The following GRID2 variants were observed in gnomAD, a reference collection of about 807,000 sequenced individuals.
The protein encoded by GRID2 is glutamate ionotropic receptor delta type subunit 2, also known as glutamate receptor ionotropic, delta-2.
In GRID2, 33 loss-of-function variants were observed where a neutral mutation model predicts 114.8. The observed-to-expected ratio is 0.29, with a 90% confidence interval of 0.22 to 0.38. GRID2 has a LOEUF of 0.38. Ranked by LOEUF, GRID2 falls within the 10% of genes least tolerant of loss-of-function variation. The pLI, the probability that GRID2 is intolerant of heterozygous loss-of-function variation, is 1.00. For synonymous variants in GRID2, 505 were observed against 449.9 expected, an observed-to-expected ratio of 1.12 and a Z score of -1.55; for missense variants, 1,184 against 1,257.7, an observed-to-expected ratio of 0.94 and a Z score of 0.89.
chr4:93,294,449 T>TGA (rs199708286), intron 8 of GRID2, among the ~76,000 whole-genome samples: 4 of 151,938 alleles, frequency 2.6e-5, no homozygotes, highest in South Asian at 2.1e-4. Flanking sequence ...TGTGTGTATG[T>TGA]GAGAGAGAGA....
rs1553908412 is a variant in GRID2, at chr4:92,619,905, T to TTCC, written c.244+29619_244+29620insTCC. ...GCGAAGTTACACATGCCTTTTTTTT[T>TTCC]CCCCCACAGGAGGGATAGAGAAATT... is the stretch of plus-strand genomic sequence containing the variant. On this transcript the variant is annotated intron_variant, in intron 2 of 15. Coordinates refer to ENST00000282020, the MANE Select transcript of GRID2 (RefSeq NM_001510.4). Among the ~76,000 whole-genome samples the TTCC allele has an allele frequency of 3.3e-5, 5 of 151,766 alleles. No homozygotes were observed. In the South Asian group the frequency reaches 1.0e-3, roughly 32 times the overall value.
chr4:92,805,770 C>T (rs1740380959), intron 2 of GRID2, among the ~76,000 whole-genome samples: 1 of 151,844 alleles, frequency 6.6e-6, no homozygotes, highest in Admixed American at 6.6e-5. Flanking sequence ...ACTCTCCAGC[C>T]TGAGTGATAA....
At chr4:93,677,175 G>T (rs531975104) in intron 14 of GRID2, among the ~76,000 whole-genome samples, 1 of 152,296 alleles carries the variant, frequency 6.6e-6, no homozygotes, top group East Asian at 1.9e-4. Context: ...CTCGCTGATT[G>T]CTAACACAGC....
chr4:92,304,582 C>T lies in GRID2; in HGVS notation c.-75C>T. On this transcript the variant is annotated 5_prime_UTR_variant, in exon 1 of 16. Transcript: ENST00000282020. ...GCTGCGCTAAACTCCACCGTGACCT[C>T]AAACTCTTTGGACTGTTTGAAAAAA... 1.0e-6 allele frequency: 1 copy of T among 981,668 alleles called. No homozygotes were observed. The highest frequency in any genetic ancestry group is 1.6e-6 in the Non-Finnish European group (1 of 609,032). The allele number at this position is 981,668 out of a possible 1,614,324, so 60.8% of individuals were successfully genotyped here. A position where few individuals can be genotyped will look rare whatever the true frequency, so the allele number is the denominator to read the frequency against.
chr4:92,810,188 G>T (rs1740602701), intron 2 of GRID2, among the ~76,000 whole-genome samples: 1 of 150,420 alleles, frequency 6.6e-6, no homozygotes, highest in Admixed American at 6.6e-5. Flanking sequence ...AAAATTTTTT[G>T]AAAATTCATT....
chr4:92,891,826 A>G (rs547428926), intron 2 of GRID2, among the ~76,000 whole-genome samples: 3 of 152,288 alleles, frequency 2.0e-5, no homozygotes, highest in African/African-American at 7.2e-5. Context: ...AATGATTTTC[A>G]GTCTCTGATA....
intron 1 of GRID2, among the ~76,000 whole-genome samples, chr4:92,509,989 T>C (rs187751084): frequency 6.6e-6 from 1 of 152,044 alleles, no homozygotes. Context: ...TTCAGCAGGC[T>C]AATGTCATAT....
chr4:92,459,436 C>G (rs1351544476), intron 1 of GRID2, among the ~76,000 whole-genome samples: 3 of 152,078 alleles, frequency 2.0e-5, no homozygotes, highest in African/African-American at 7.2e-5. Flanking sequence ...TGCAATCTAC[C>G]TTCAATATTT....
In GRID2 at chr4:93,625,399, C is replaced by T. The variant is rs76125992; in HGVS notation, c.2194-870C>T. ...TCAGGGGTCATTTTACTATAAGCAA[C>T]GTGGCCTAAAAGTATAGTAAACATT... On this transcript the variant is annotated intron_variant, in intron 13 of 15. Coordinates refer to ENST00000282020, the MANE Select transcript of GRID2 (RefSeq NM_001510.4). Among the ~76,000 whole-genome samples, 875 of 152,260 alleles carry T rather than the reference C, an allele frequency of 5.7e-3. 11 individuals carry two copies. Among genetic ancestry groups the T allele is most frequent in the African/African-American group, 0.019 (805 of 41,556 alleles).
At chr4:92,515,679 C>T (rs966012745) in intron 1 of GRID2, among the ~76,000 whole-genome samples, 4 of 151,854 alleles carry the variant, frequency 2.6e-5, no homozygotes, top group African/African-American at 9.7e-5. Context: ...AGTATATTCA[C>T]ACAAATGGTA....
intron 6 of GRID2, among the ~76,000 whole-genome samples, chr4:93,217,743 A>G (rs1388897554): frequency 6.6e-6 from 1 of 152,054 alleles, no homozygotes; most frequent in African/African-American, 2.4e-5. Flanking sequence ...TGCAAAAACA[A>G]ATCTGTGCCA....
intron 1 of GRID2, among the ~76,000 whole-genome samples, chr4:92,556,270 T>C (rs1357937617): frequency 6.6e-6 from 1 of 152,148 alleles, no homozygotes; most frequent in East Asian, 1.9e-4. Flanking sequence ...CTTCTTTGTA[T>C]GGTCAAAGGT....
At chr4:93,050,908 T>G (rs139185157) in intron 2 of GRID2, among the ~76,000 whole-genome samples, 8 of 152,200 alleles carry the variant, frequency 5.3e-5, no homozygotes, top group African/African-American at 1.9e-4. Context: ...TTAATTGTAT[T>G]TTCTCCTGGG....
chr4:93,178,013 C>A (rs1739506232), intron 4 of GRID2, among the ~76,000 whole-genome samples: 1 of 151,572 alleles, frequency 6.6e-6, no homozygotes, highest in African/African-American at 2.4e-5. Context: ...CCTTTAATTT[C>A]TCTCTCTTTG....
At chr4:92,548,994 T>C (rs539826182) in intron 1 of GRID2, among the ~76,000 whole-genome samples, 3 of 152,026 alleles carry the variant, frequency 2.0e-5, no homozygotes, top group South Asian at 2.1e-4. Context: ...ATCTCTAACA[T>C]TGGGGATTAC....
At chr4:92,713,473 ATACATATATAT>A (rs1333334423) in intron 2 of GRID2, among the ~76,000 whole-genome samples, 149 of 72,240 alleles carry the variant, frequency 2.1e-3, no homozygotes, top group Middle Eastern at 6.5e-3. Context: ...ACATATACAT[ATACATATATAT>A]ATATATATAT....
At chr4:93,619,628 T>G (rs779995004) in intron 13 of GRID2, among the ~76,000 whole-genome samples, 2 of 152,246 alleles carry the variant, frequency 1.3e-5, no homozygotes, top group African/African-American at 2.4e-5. Flanking sequence ...AAAGCTCTGC[T>G]TTGTTTCATT....
chr4:93,054,998 T>C (rs1578861345), intron 2 of GRID2, among the ~76,000 whole-genome samples: 1 of 152,098 alleles, frequency 6.6e-6, no homozygotes, highest in East Asian at 1.9e-4. Context: ...CACTGACTAT[T>C]ATCTAATATT....
chr4:93,708,528 C>T (rs550091471), intron 14 of GRID2, among the ~76,000 whole-genome samples: 91 of 151,896 alleles, frequency 6.0e-4, no homozygotes, highest in African/African-American at 2.2e-3. Flanking sequence ...GTATATTTTT[C>T]GATCTTTTTA....
Sources: allele counts gnomAD v4.1 joint callset (sites outside exome capture counted in the v4.1 genomes callset), GRCh38; gene constraint gnomAD v4.1.1; transcripts MANE v1.5; gene names NCBI Gene and HGNC (gene_info 2026-07-23, HGNC 2026-07-21).